The following CORO7 variants were observed in gnomAD, a reference collection of about 807,000 sequenced individuals.
The protein encoded by CORO7 is coronin-7.
Under a neutral mutation model 126.6 loss-of-function variants are expected in CORO7, and 107 were observed. That is an observed-to-expected ratio of 0.85 (90% CI 0.72 to 0.99). CORO7 has a LOEUF of 0.99. Among genes scored for constraint, CORO7 ranks in the 50% least tolerant of loss-of-function variants. CORO7 has a pLI of 0.00. For synonymous variants in CORO7, 603 were observed against 536.8 expected (o/e 1.12, Z -1.70); for missense variants, 1,314 against 1,255.8 (o/e 1.05, Z -0.70).
chr16:4,415,631 G>T, intron 1 of CORO7: 1 of 821,302 alleles, frequency 1.2e-6, no homozygotes, highest in Non-Finnish European at 1.5e-6. Flanking sequence ...TACCCAGACT[G>T]CCCTGACTTG....
At chr16:4,406,832 G>A (rs543348766) in intron 5 of CORO7, among the ~76,000 whole-genome samples, 4 of 151,620 alleles carry the variant, frequency 2.6e-5, no homozygotes, top group South Asian at 2.1e-4. Flanking sequence ...GTAGAGACGC[G>A]GTTTCACTAT....
rs778825526 is a variant in CORO7 at position 4,364,801 on chromosome 16, G to T, written c.1018C>A (p.Pro340Thr). The T allele has an allele frequency of 1.1e-5, 17 of 1,611,592 alleles. No homozygotes were observed. The highest frequency in any genetic ancestry group is 1.4e-5 in the Non-Finnish European group (16 of 1,179,642). Residue 340 changes from proline (P) to threonine (T), a missense_variant, in exon 12 of 28, where the codon CCC becomes ACC. By Grantham distance (38) the Pro-to-Thr change is conservative (BLOSUM62 -1). Coordinates refer to ENST00000251166, the MANE Select transcript of CORO7 (RefSeq NM_024535.5). ...TTGCGGGGCACATGGTAGCCGATGG[G>T]CACGATGGCTGTGTCGCTCAGCTGT... ...VLQLSDTAIV[P>T]IGYHVPRKAV...
intron 3 of CORO7, among the ~76,000 whole-genome samples, chr16:4,411,685 A>T (rs966957467): frequency 6.6e-6 from 1 of 152,052 alleles, no homozygotes; most frequent in Non-Finnish European, 1.5e-5. Flanking sequence ...CTGCACACCC[A>T]GCCTGAGGAC....
chr16:4,383,160 A>G (rs1353139873), intron 9 of CORO7: 7 of 453,012 alleles, frequency 1.5e-5, no homozygotes, highest in Non-Finnish European at 2.8e-5. Context: ...CGCAACGTGC[A>G]GTCCCTGGGC....
chr16:4,405,693 G>A, intron 5 of CORO7, 126 bp from the exon 6 acceptor site: 1 of 1,140,432 alleles, frequency 8.8e-7, no homozygotes, highest in South Asian at 1.5e-5. Context: ...TTTCAGCCAA[G>A]GGGGCAAGGG....
chr16:4,355,406 G>A, intron 26 of CORO7, 34 bp from the exon 27 acceptor site: 1 of 1,592,248 alleles, frequency 6.3e-7, no homozygotes, highest in South Asian at 1.1e-5. Context: ...GTAGGTAAGG[G>A]AATAGGACTC....
intron 9 of CORO7, among the ~76,000 whole-genome samples, chr16:4,376,686 C>T (rs1426955114): frequency 6.6e-6 from 1 of 152,112 alleles, no homozygotes; most frequent in Non-Finnish European, 1.5e-5. Context: ...GGGCGTCCCC[C>T]TGGGAGTTGA....
Position 4,357,274 on chromosome 16 carries a change from G to A in CORO7, c.2594-15C>T, listed in dbSNP as rs1458322485. 4 of 1,608,354 alleles carry A rather than the reference G, an allele frequency of 2.5e-6. No individual in the cohort carries two copies. The highest frequency in any genetic ancestry group is 1.1e-5 in the South Asian group (1 of 90,778). ...GGCTTGGCTCACTGGGACAGAGCAAGGACACGTGTCAGAGAGTCCCCTTCG... is the reference window on the plus strand; with the variant it reads ...GGCTTGGCTCACTGGGACAGAGCAAAGACACGTGTCAGAGAGTCCCCTTCG... On this transcript the variant is annotated splice_polypyrimidine_tract_variant and intron_variant, in intron 25 of 27. Transcript: ENST00000251166.
Position 4,416,471 on chromosome 16 carries a change from C to G in CORO7, c.48G>C (p.Pro16=), listed in dbSNP as rs1341859622. 1 of 1,575,316 alleles carries G rather than the reference C, an allele frequency of 6.3e-7. No homozygotes were observed. Reference sequence around the variant, plus strand: ...GGGCCGGACTCACCTCGCGGCGGGGCGGCCGAGCCTCGGTGTGCCGGAACT... The same window carrying G: ...GGGCCGGACTCACCTCGCGGCGGGGGGGCCGAGCCTCGGTGTGCCGGAACT... ...VSKFRHTEAR[P]PRRESWISDI... is the part of the protein sequence containing the mutation. The change falls in exon 1 of 28, where the codon CCG becomes CCC. Residue 16 remains proline (P), a synonymous_variant. Transcript: ENST00000251166.
chr16:4,377,762 C>T (rs1336065988), intron 9 of CORO7, among the ~76,000 whole-genome samples: 1 of 152,222 alleles, frequency 6.6e-6, no homozygotes, highest in Non-Finnish European at 1.5e-5. Context: ...TCCAGCGCTG[C>T]CTCCTCCCTC....
At chr16:4,413,103 T>C (rs2056273925) in intron 2 of CORO7, among the ~76,000 whole-genome samples, 1 of 152,066 alleles carries the variant, frequency 6.6e-6, no homozygotes, top group African/African-American at 2.4e-5. Flanking sequence ...TACACACATA[T>C]GTCCTAATCA....
intron 9 of CORO7, among the ~76,000 whole-genome samples, chr16:4,371,302 G>T (rs2054511718): frequency 6.6e-6 from 1 of 152,222 alleles, no homozygotes; most frequent in Non-Finnish European, 1.5e-5. Context: ...TTTATACTTA[G>T]GAGGCTCTTG....
At chr16:4,382,070 C>G in intron 9 of CORO7, 2 of 1,588,004 alleles carry the variant, frequency 1.3e-6, no homozygotes, top group Non-Finnish European at 1.7e-6. Context: ...ACTGCCCCAC[C>G]GACTGTAGGG....
chr16:4,379,110 A>G (rs568888960), intron 9 of CORO7, among the ~76,000 whole-genome samples: 23 of 151,906 alleles, frequency 1.5e-4, no homozygotes, highest in African/African-American at 5.6e-4. Context: ...AGGGAGCCCT[A>G]TGGACGGGTC....
In CORO7 at chr16:4,407,481, C is replaced by G; in HGVS notation, c.487+20G>C. On this transcript the variant is annotated intron_variant, in intron 5 of 27. Coordinates refer to ENST00000251166, the MANE Select transcript of CORO7 (RefSeq NM_024535.5). ...CAGAGTGGGGCTGCCCTGGGAAGGGCAGGCCAGGGTGGCCTGTACCTGTCA... is the reference window on the plus strand; with the variant it reads ...CAGAGTGGGGCTGCCCTGGGAAGGGGAGGCCAGGGTGGCCTGTACCTGTCA... 2 of 1,557,936 alleles carry G rather than the reference C, an allele frequency of 1.3e-6. No homozygotes were observed. Among genetic ancestry groups the G allele is most frequent in the Non-Finnish European group, 1.7e-6 (2 of 1,150,808 alleles).
At chr16:4,358,960 A>G in intron 23 of CORO7, 1 of 373,834 alleles carries the variant, frequency 2.7e-6, no homozygotes, top group Non-Finnish European at 4.8e-6. Flanking sequence ...TTTGTTTTGT[A>G]GAGATGGGGT....
intron 5 of CORO7, among the ~76,000 whole-genome samples, chr16:4,405,806 C>T (rs1305383463): frequency 4.1e-5 from 6 of 145,192 alleles, no homozygotes; most frequent in Non-Finnish European, 7.9e-5. Flanking sequence ...AGGCTTCCCG[C>T]TCCTGGCCTG....
intron 6 of CORO7, among the ~76,000 whole-genome samples, chr16:4,400,822 A>AATAATAATAATG (rs1555480040): frequency 6.7e-6 from 1 of 149,310 alleles, no homozygotes; most frequent in Non-Finnish European, 1.5e-5. Flanking sequence ...TAATAATAAT[A>AATAATAATAATG]ATAATAATAA....
chr16:4,364,158 C>T, intron 14 of CORO7, 118 bp downstream of exon 14: 1 of 1,335,718 alleles, frequency 7.5e-7, no homozygotes, highest in Non-Finnish European at 9.6e-7. Context: ...TGCACTCTAG[C>T]TTGGGTGACA....
Sources: allele counts gnomAD v4.1 joint callset (sites outside exome capture counted in the v4.1 genomes callset), GRCh38; gene constraint gnomAD v4.1.1; transcripts MANE v1.5; gene names NCBI Gene and HGNC (gene_info 2026-07-23, HGNC 2026-07-21).